MAST4: variants seen among roughly 807,000 people sequenced by gnomAD.
The protein encoded by MAST4 is microtubule-associated serine/threonine-protein kinase 4.
A neutral mutation model predicts 162.7 loss-of-function variants in MAST4; 89 were observed. The observed-to-expected ratio is 0.55, with a 90% CI of 0.46 to 0.65. MAST4 has a LOEUF of 0.65. Among genes scored for constraint, MAST4 ranks in the 30% least tolerant of loss-of-function variants. The probability of loss-of-function intolerance (pLI) is 0.00; values close to 1 mark genes in which losing one functional copy is unlikely to be tolerated. For synonymous variants in MAST4, 1,479 were observed against 1,361.1 expected (o/e 1.09, Z -1.91); for missense variants, 3,153 against 3,374.0 (o/e 0.93, Z 1.62).
intron 4 of MAST4, among the ~76,000 whole-genome samples, chr5:66,984,328 T>A (rs1399882902): frequency 6.6e-6 from 1 of 151,084 alleles, no homozygotes; most frequent in African/African-American, 2.4e-5. Context: ...TAAAGAAGAG[T>A]GGTGTGGGCA....
At chr5:66,816,961 T>C (rs1048944995) in intron 3 of MAST4, among the ~76,000 whole-genome samples, 1 of 152,182 alleles carries the variant, frequency 6.6e-6, no homozygotes. Flanking sequence ...AACTACTGTT[T>C]TGGACTCTGT....
At chr5:66,759,309 A>G (rs893254089) in intron 1 of MAST4, among the ~76,000 whole-genome samples, 2 of 152,238 alleles carry the variant, frequency 1.3e-5, no homozygotes, top group Non-Finnish European at 2.9e-5. Context: ...CATGTTTTAT[A>G]TAGTGACCTA....
chr5:66,646,348 CAGCAACAT>C (rs946332848), intron 1 of MAST4, among the ~76,000 whole-genome samples: 27 of 152,246 alleles, frequency 1.8e-4, no homozygotes, highest in African/African-American at 5.5e-4. Context: ...TGAACTGTGA[CAGCAACAT>C]AGCAACATAT....
intron 3 of MAST4, among the ~76,000 whole-genome samples, chr5:66,796,165 T>C (rs1430964208): frequency 6.6e-6 from 1 of 152,132 alleles, no homozygotes; most frequent in Non-Finnish European, 1.5e-5. Context: ...AAATGAAGTG[T>C]AAAATCCTCT....
rs1432397193 is a variant in MAST4 at position 67,168,941 on chromosome 5, C to T, written c.*1890C>T. On this transcript the variant is annotated 3_prime_UTR_variant, in exon 29 of 29. Transcript: ENST00000403625. The stretch of plus-strand genomic sequence containing the variant: ...AAAGAAAAAAGCCTCCTCCTTGCCC[C>T]TAATTTTTTTTTCCCATATGGTTTT... 3 of 152,128 alleles carry T rather than the reference C, an allele frequency of 2.0e-5. No individual in the cohort carries two copies. The highest frequency in any genetic ancestry group is 4.4e-5 in the Non-Finnish European group (3 of 68,028). 9.4% of individuals were successfully genotyped at this position (152,128 alleles called of 1,614,324 possible).
intron 1 of MAST4, among the ~76,000 whole-genome samples, chr5:66,742,105 C>T (rs17278690): frequency 0.011 from 1,676 of 151,450 alleles, 13 homozygotes; most frequent in South Asian, 0.051. Flanking sequence ...TCCAGCCTTT[C>T]GATCCACACG....
Position 67,152,686 on chromosome 5 carries a change from G to A in MAST4, c.3345G>A (p.Leu1115=). The A allele has an allele frequency of 2.5e-6, 4 of 1,613,988 alleles. No individual in the cohort carries two copies. The South Asian group carries it at 4.4e-5, about 18-fold the overall frequency. Residue 1115 remains leucine (L), a synonymous_variant, in exon 25 of 29, where the codon CTG becomes CTA. Transcript: ENST00000403625. ...PLGSPMSPHS[L]SSDPSSSRDS... is the part of the protein sequence containing the mutation. ...GAAGTCCAATGTCTCCCCATTCCCT[G>A]TCCTCGGACCCTTCTTCTTCACGAG... is the stretch of plus-strand genomic sequence containing the variant.
chr5:67,145,871 T>A (rs1353949685), intron 23 of MAST4, among the ~76,000 whole-genome samples: 3 of 152,196 alleles, frequency 2.0e-5, no homozygotes, highest in Non-Finnish European at 1.5e-5. Context: ...TGGTTGTTTC[T>A]TTGATGGAGT....
chr5:66,626,364 A>G (rs6862416), intron 1 of MAST4, among the ~76,000 whole-genome samples: 113,951 of 152,088 alleles, frequency 0.75, 42,964 homozygotes, highest in East Asian at 0.8. Context: ...CACAGTTTTC[A>G]TGTTCACAAT....
chr5:66,914,592 G>A (rs1168359614), intron 4 of MAST4, among the ~76,000 whole-genome samples: 2 of 152,102 alleles, frequency 1.3e-5, no homozygotes, highest in Non-Finnish European at 2.9e-5. Context: ...CAGTGGCTGG[G>A]GAGAGAACCA....
chr5:66,810,120 C>T (rs1412105930), intron 3 of MAST4, among the ~76,000 whole-genome samples: 2 of 152,172 alleles, frequency 1.3e-5, no homozygotes, highest in South Asian at 2.1e-4. Context: ...CTGTGACGTC[C>T]GGTGTGAGAA....
At chr5:66,693,927 AC>A (rs1390244698) in intron 1 of MAST4, among the ~76,000 whole-genome samples, 1 of 152,240 alleles carries the variant, frequency 6.6e-6, no homozygotes, top group African/African-American at 2.4e-5. Flanking sequence ...TTGCTCCAAC[AC>A]TGAAGTATGG....
At chr5:66,670,671 A>G (rs981685527) in intron 1 of MAST4, among the ~76,000 whole-genome samples, 4 of 152,094 alleles carry the variant, frequency 2.6e-5, no homozygotes, top group Non-Finnish European at 4.4e-5. Flanking sequence ...TTGCACTGAC[A>G]TCCCTATAAG....
intron 26 of MAST4, among the ~76,000 whole-genome samples, chr5:67,156,812 T>C (rs977760459): frequency 6.6e-6 from 1 of 152,172 alleles, no homozygotes; most frequent in African/African-American, 2.4e-5. Context: ...GAGAAGGAAA[T>C]GCAAAAGCAG....
intron 4 of MAST4, among the ~76,000 whole-genome samples, chr5:66,989,047 G>GTACTTCA (rs1561508498): frequency 1.3e-5 from 2 of 152,162 alleles, no homozygotes; most frequent in African/African-American, 2.4e-5. Flanking sequence ...ATTCCCCAGT[G>GTACTTCA]TGTGTGAGGA....
intron 1 of MAST4, among the ~76,000 whole-genome samples, chr5:66,668,502 C>G (rs1747408812): frequency 6.6e-6 from 1 of 152,098 alleles, no homozygotes; most frequent in Non-Finnish European, 1.5e-5. Context: ...TGGAGAGATG[C>G]TGAATCGGGG....
chr5:66,746,638 T>G (rs902119261), intron 1 of MAST4, among the ~76,000 whole-genome samples: 2 of 152,172 alleles, frequency 1.3e-5, no homozygotes, highest in Non-Finnish European at 2.9e-5. Flanking sequence ...AGCAGTATAT[T>G]CTCTTCCTGC....
chr5:66,739,846 G>GTTTTTT (rs35980021), intron 1 of MAST4, among the ~76,000 whole-genome samples: 2 of 135,714 alleles, frequency 1.5e-5, no homozygotes, highest in Non-Finnish European at 3.1e-5. Flanking sequence ...CATCACTCTT[G>GTTTTTT]TTTTTTTTTT....
intron 18 of MAST4, among the ~76,000 whole-genome samples, chr5:67,135,128 A>G (rs971240416): frequency 6.6e-6 from 1 of 152,226 alleles, no homozygotes; most frequent in Non-Finnish European, 1.5e-5. Flanking sequence ...AATAAACCCT[A>G]AAACAAATGT....
Sources: allele counts gnomAD v4.1 joint callset (sites outside exome capture counted in the v4.1 genomes callset), GRCh38; gene constraint gnomAD v4.1.1; transcripts MANE v1.5; gene names NCBI Gene and HGNC (gene_info 2026-07-23, HGNC 2026-07-21).